The following CNTN4 variants were observed in gnomAD, a reference collection of about 807,000 sequenced individuals.
CNTN4 encodes contactin-4.
A neutral mutation model predicts 122.5 loss-of-function variants in CNTN4; 77 were observed. The ratio of observed to expected loss-of-function variants is 0.63; its 90% CI spans 0.52 to 0.76. The LOEUF (loss-of-function observed/expected upper bound fraction) is 0.76, where lower values mean the gene tolerates loss of function less well. Ranked by LOEUF, CNTN4 falls within the 30% of genes least tolerant of loss-of-function variation. CNTN4 has a pLI of 0.00. For missense variants in CNTN4, 1,256 were observed against 1,259.1 expected, an observed-to-expected ratio of 1.00 and a Z score of 0.04; for synonymous variants, 512 against 447.0, an observed-to-expected ratio of 1.15 and a Z score of -1.83.
At chr3:2,403,259 A>C (rs2046922109) in intron 3 of CNTN4, among the ~76,000 whole-genome samples, 1 of 152,108 alleles carries the variant, frequency 6.6e-6, no homozygotes, top group Admixed American at 6.6e-5. Flanking sequence ...ATATAACCTC[A>C]GAATTATATC....
chr3:2,873,198 A>G (rs1430615339), intron 8 of CNTN4, among the ~76,000 whole-genome samples: 1 of 152,222 alleles, frequency 6.6e-6, no homozygotes, highest in Non-Finnish European at 1.5e-5. Flanking sequence ...CTTCTCAGCT[A>G]TGCAAAATGG....
intron 9 of CNTN4, among the ~76,000 whole-genome samples, chr3:2,885,461 A>G (rs1288581448): frequency 6.6e-6 from 1 of 152,228 alleles, no homozygotes; most frequent in Non-Finnish European, 1.5e-5. Context: ...TATATAAATG[A>G]CAAGGAGAAA....
chr3:2,157,256 G>C (rs1417143146), intron 2 of CNTN4, among the ~76,000 whole-genome samples: 1 of 152,202 alleles, frequency 6.6e-6, no homozygotes, highest in Non-Finnish European at 1.5e-5. Context: ...GGTTGAGATT[G>C]ATGAGTGATG....
chr3:2,415,308 C>A (rs1186723509), intron 3 of CNTN4, among the ~76,000 whole-genome samples: 1 of 152,184 alleles, frequency 6.6e-6, no homozygotes, highest in Non-Finnish European at 1.5e-5. Flanking sequence ...TGTAAAGGGC[C>A]CCATAATGTT....
intron 2 of CNTN4, among the ~76,000 whole-genome samples, chr3:2,266,530 A>G (rs940388416): frequency 1.3e-5 from 2 of 151,846 alleles, no homozygotes; most frequent in African/African-American, 2.4e-5. Flanking sequence ...CAAGATGGAG[A>G]TTTGGTCCTG....
At chr3:2,559,906 C>T (rs929785424) in intron 3 of CNTN4, among the ~76,000 whole-genome samples, 23 of 152,246 alleles carry the variant, frequency 1.5e-4, no homozygotes, top group Middle Eastern at 3.4e-3. Flanking sequence ...TGAACTTTAC[C>T]GTGATACCCA....
Position 2,557,029 on chromosome 3 carries a change from C to G in CNTN4, c.-88-14387C>G, listed in dbSNP as rs533822641. 2.0e-5 allele frequency among the ~76,000 whole-genome samples: 3 copies of G among 152,292 alleles called. No homozygotes were observed. In the South Asian group the frequency reaches 6.2e-4, roughly 32 times the overall value. On this transcript the variant is annotated intron_variant, in intron 3 of 24. Transcript: ENST00000418658. ...ATGAAATTGAATTTTCCTAAAGCAA[C>G]TTAAACTATTTATGATTTTCTTTGT...
At chr3:2,469,458 A>G (rs1034412525) in intron 3 of CNTN4, among the ~76,000 whole-genome samples, 2 of 152,222 alleles carry the variant, frequency 1.3e-5, no homozygotes, top group Non-Finnish European at 2.9e-5. Flanking sequence ...TCTTTAATCT[A>G]TATACAGTTT....
At chr3:2,867,821 G>A (rs890899482) in intron 8 of CNTN4, among the ~76,000 whole-genome samples, 1 of 152,038 alleles carries the variant, frequency 6.6e-6, no homozygotes, top group Non-Finnish European at 1.5e-5. Context: ...ACAGTTGTCT[G>A]TGTTCTTCAC....
At chr3:2,930,437 G>A (rs2094509711) in intron 13 of CNTN4, among the ~76,000 whole-genome samples, 1 of 152,144 alleles carries the variant, frequency 6.6e-6, no homozygotes, top group Admixed American at 6.5e-5. Context: ...GCTTAGACAA[G>A]AAAGTTTAGT....
intron 6 of CNTN4, among the ~76,000 whole-genome samples, chr3:2,813,115 G>A (rs1203399944): frequency 1.3e-5 from 2 of 152,154 alleles, no homozygotes; most frequent in African/African-American, 4.8e-5. Flanking sequence ...CACACACAGG[G>A]AGCAAATGGC....
At chr3:2,261,316 T>A (rs960432864) in intron 2 of CNTN4, among the ~76,000 whole-genome samples, 1 of 152,184 alleles carries the variant, frequency 6.6e-6, no homozygotes, top group Non-Finnish European at 1.5e-5. Context: ...TACACGTTGG[T>A]TTCTCTATTA....
intron 3 of CNTN4, among the ~76,000 whole-genome samples, chr3:2,499,963 G>A (rs2076552267): frequency 6.6e-6 from 1 of 151,904 alleles, no homozygotes. Context: ...TGTGAATTTT[G>A]TACTGAAGTA....
intron 3 of CNTN4, among the ~76,000 whole-genome samples, chr3:2,553,382 T>C (rs1559226971): frequency 6.6e-6 from 1 of 152,336 alleles, no homozygotes; most frequent in East Asian, 1.9e-4. Flanking sequence ...GCACATATAG[T>C]GGAATTCATT....
chr3:2,481,085 C>A lies in CNTN4; in HGVS notation c.-88-90331C>A, dbSNP rs1192329643. On this transcript the variant is annotated intron_variant, in intron 3 of 24. Coordinates refer to ENST00000418658, the MANE Select transcript of CNTN4 (RefSeq NM_175607.3). ...TCTCTCTTTCTCTCTTTCTCTCTTT[C>A]TCTCTTTCTTTCTTTCTTTCTCTCT... Among the ~76,000 whole-genome samples the A allele has an allele frequency of 9.1e-5, 13 of 143,372 alleles. 1 individual carries two copies. The highest frequency in any genetic ancestry group is 2.0e-4 in the Non-Finnish European group (13 of 65,824). 94.1% of individuals were successfully genotyped at this position (143,372 alleles called of 152,430 possible).
At chr3:3,001,447 G>A (rs1696036856) in intron 14 of CNTN4, among the ~76,000 whole-genome samples, 1 of 152,206 alleles carries the variant, frequency 6.6e-6, no homozygotes, top group Admixed American at 6.5e-5. Flanking sequence ...GTGTTTAAAT[G>A]TCAGCTATAG....
At chr3:2,325,319 C>T (rs761333154) in intron 2 of CNTN4, among the ~76,000 whole-genome samples, 3 of 152,160 alleles carry the variant, frequency 2.0e-5, no homozygotes, top group Non-Finnish European at 2.9e-5. Flanking sequence ...TCCCATTGAA[C>T]ATGCTATTTA....
At chr3:2,124,150 G>C (rs764929872) in intron 2 of CNTN4, among the ~76,000 whole-genome samples, 1 of 151,500 alleles carries the variant, frequency 6.6e-6, no homozygotes, top group African/African-American at 2.4e-5. Flanking sequence ...CAGAAGTCAC[G>C]TAAAATTCCC....
At chr3:2,583,017 A>T (rs984955461) in intron 4 of CNTN4, among the ~76,000 whole-genome samples, 4 of 152,200 alleles carry the variant, frequency 2.6e-5, no homozygotes, top group African/African-American at 9.6e-5. Context: ...CTGCATAAGT[A>T]AAAAGAGACA....
Sources: gnomAD v4.1 joint callset for allele counts (sites outside exome capture counted in the v4.1 genomes callset) on GRCh38, gnomAD v4.1.1 for gene constraint, MANE v1.5 for transcripts, NCBI Gene and HGNC (gene_info 2026-07-23, HGNC 2026-07-21) for gene names.